Variants in PINK1 observed in about 807,000 individuals in gnomAD.
PINK1 encodes the protein serine/threonine-protein kinase PINK1, mitochondrial.
PINK1 carries 58 observed loss-of-function variants against 56.0 expected under a neutral mutation model. The observed-to-expected ratio is 1.04, with a 90% confidence interval of 0.84 to 1.29. PINK1 has a LOEUF of 1.29. PINK1 is among the 50% of genes most tolerant of loss of function. The pLI, the probability that PINK1 is intolerant of heterozygous loss-of-function variation, is 0.00. For missense variants in PINK1, 745 were observed against 777.9 expected, an observed-to-expected ratio of 0.96 and a Z score of 0.50; for synonymous variants, 354 against 339.3, an observed-to-expected ratio of 1.04 and a Z score of -0.48.
At position 20,648,602 on chromosome 1, in the gene PINK1, G is replaced by GCCCCAGA; in HGVS notation, c.1221_1222insCCCCAGA (p.Gly408ProfsTer25). ...CCTTCAGCAGCTGGTACGTGGATCG[G>GCCCCAGA]GGCGGAAACGGCTGTCTGATGGCCC... On this transcript the variant is annotated frameshift_variant, in exon 6 of 8. Coordinates refer to ENST00000321556, the MANE Select transcript of PINK1 (RefSeq NM_032409.3). LOFTEE classifies it high-confidence loss of function. 6.2e-7 allele frequency: 1 copy of GCCCCAGA among 1,614,040 alleles called. No homozygotes were observed. The highest frequency in any genetic ancestry group is 2.2e-5 in the East Asian group (1 of 44,880).
At chr1:20,646,105 C>A (rs2154533887) in intron 5 of PINK1, among the ~76,000 whole-genome samples, 1 of 151,452 alleles carries the variant, frequency 6.6e-6, no homozygotes, top group South Asian at 2.1e-4. Flanking sequence ...GATCCCTTCT[C>A]TACAAAAAAA....
At chr1:20,648,366 C>T in intron 5 of PINK1, 139 bp from the exon 6 acceptor site, 1 of 1,305,574 alleles carries the variant, frequency 7.7e-7, no homozygotes, top group South Asian at 1.3e-5. Context: ...GCTCTCAGGC[C>T]TTGCTGACCT....
chr1:20,648,799 G>A, intron 6 of PINK1, 167 bp downstream of exon 6: 1 of 1,347,810 alleles, frequency 7.4e-7, no homozygotes, highest in Non-Finnish European at 1.0e-6. Flanking sequence ...GTTCCCTCAT[G>A]TTCCAGGAGA....
chr1:20,634,651 G>GC (rs2053037930), intron 1 of PINK1, among the ~76,000 whole-genome samples: 1 of 152,212 alleles, frequency 6.6e-6, no homozygotes, highest in South Asian at 2.1e-4. Flanking sequence ...ATGGGGATTG[G>GC]CAAAGTCTTA....
chr1:20,644,570 C>G lies in PINK1; in HGVS notation c.857C>G (p.Pro286Arg). Residue 286 changes from proline (P) to arginine (R), a missense_variant, in exon 4 of 8, where the codon CCG becomes CGG. Coordinates refer to ENST00000321556, the MANE Select transcript of PINK1 (RefSeq NM_032409.3). ...RVLRAFTSSV[P>R]LLPGALVDYP... ...CTCCGCGCCTTCACCTCTTCCGTGC[C>G]GCTGCTGCCAGGGGCCCTGGTCGAC... 2 of 1,614,240 alleles carry G rather than the reference C, an allele frequency of 1.2e-6. No individual in the cohort carries two copies. Among genetic ancestry groups the G allele is most frequent in the Non-Finnish European group, 1.7e-6 (2 of 1,180,044 alleles).
chr1:20,646,114 A>G (rs1263118194), intron 5 of PINK1, among the ~76,000 whole-genome samples: 1 of 152,036 alleles, frequency 6.6e-6, no homozygotes, highest in Admixed American at 6.6e-5. Flanking sequence ...TCTACAAAAA[A>G]AAAATATGTT....
In PINK1 at chr1:20,634,594, G is replaced by A. The variant is rs1013212142; in HGVS notation, c.387+659G>A. ...TAGGGTTCTCCAAATGGAATCAATA[G>A]GATGTGTCTATATAGAGGCAGGTTT... On this transcript the variant is annotated intron_variant, in intron 1 of 7. Coordinates refer to ENST00000321556, the MANE Select transcript of PINK1 (RefSeq NM_032409.3). Among the ~76,000 whole-genome samples, 86 of 152,300 alleles carry A rather than the reference G, an allele frequency of 5.6e-4. 2 individuals carry two copies. Among genetic ancestry groups the A allele is most frequent in the Admixed American group, 4.2e-3 (64 of 15,300 alleles).
At chr1:20,643,590 A>G (rs1050506332) in intron 3 of PINK1, among the ~76,000 whole-genome samples, 34 of 152,262 alleles carry the variant, frequency 2.2e-4, no homozygotes, top group Non-Finnish European at 1.0e-4. Context: ...CCATGAGGAC[A>G]GGGACTCTGT....
chr1:20,648,131 G>T (rs1238291209), intron 5 of PINK1, among the ~76,000 whole-genome samples: 1 of 152,170 alleles, frequency 6.6e-6, no homozygotes, highest in Admixed American at 6.5e-5. Context: ...TAATGCACCT[G>T]GTTCTTAGGT....
chr1:20,646,623 AC>A (rs559812615), intron 5 of PINK1, among the ~76,000 whole-genome samples: 537 of 149,524 alleles, frequency 3.6e-3, no homozygotes, highest in African/African-American at 0.012. Context: ...CAGCCTGGCG[AC>A]AGAGTGAGAG....
chr1:20,648,157 C>T (rs139208198), intron 5 of PINK1, among the ~76,000 whole-genome samples: 1 of 152,200 alleles, frequency 6.6e-6, no homozygotes, highest in African/African-American at 2.4e-5. Flanking sequence ...TTTGGGGTTT[C>T]AAATTCAAAT....
chr1:20,637,937 C>T lies in PINK1; in HGVS notation c.483C>T (p.Ser161=). Residue 161 remains serine (S), a synonymous_variant, in exon 2 of 8, where the codon TCC becomes TCT. Coordinates refer to ENST00000321556, the MANE Select transcript of PINK1 (RefSeq NM_032409.3). ...FRLEEYLIGQ[S]IGKGCSAAVY... The stretch of plus-strand genomic sequence containing the variant: ...TGGAGGAGTATCTGATAGGGCAGTC[C>T]ATTGGTAAGGGCTGCAGTGCTGCTG... 6.2e-7 allele frequency: 1 copy of T among 1,614,208 alleles called. No homozygotes were observed.
At chr1:20,647,053 A>ATTTTTTTTTTTTT (rs71585775) in intron 5 of PINK1, among the ~76,000 whole-genome samples, 35 of 91,478 alleles carry the variant, frequency 3.8e-4, no homozygotes, top group Non-Finnish European at 5.0e-4. Context: ...CTAATTTTTG[A>ATTTTTTTTTTTTT]TTTTTTTTTT....
chr1:20,643,929 T>G (rs1414335316), intron 3 of PINK1, among the ~76,000 whole-genome samples: 2 of 152,048 alleles, frequency 1.3e-5, no homozygotes, highest in Non-Finnish European at 2.9e-5. Context: ...CACATACCTA[T>G]GGTAAAGTTT....
chr1:20,634,357 C>G (rs1324656232), intron 1 of PINK1, among the ~76,000 whole-genome samples: 1 of 152,222 alleles, frequency 6.6e-6, no homozygotes, highest in African/African-American at 2.4e-5. Flanking sequence ...CCCTTAACCA[C>G]TGAGCCAGGC....
At chr1:20,637,097 C>A (rs1256373309) in intron 1 of PINK1, among the ~76,000 whole-genome samples, 1 of 152,212 alleles carries the variant, frequency 6.6e-6, no homozygotes, top group Non-Finnish European at 1.5e-5. Context: ...CTGTGCCTGG[C>A]ACCCAGGGGT....
At chr1:20,634,075 A>C (rs1570397580) in intron 1 of PINK1, 140 bp downstream of exon 1, 2 of 1,008,862 alleles carry the variant, frequency 2.0e-6, no homozygotes, top group Non-Finnish European at 1.4e-6. Context: ...CTTAAAGCTC[A>C]TCTATTTCAC....
At position 20,633,737 on chromosome 1, in the gene PINK1, C is replaced by A; in HGVS notation, c.189C>A (p.Leu63=). 5 of 1,537,478 alleles carry A rather than the reference C, an allele frequency of 3.3e-6. No individual in the cohort carries two copies. Among genetic ancestry groups the A allele is most frequent in the Non-Finnish European group, 4.4e-6 (5 of 1,147,558 alleles). Residue 63 remains leucine, a synonymous_variant, in exon 1 of 8, where the codon CTC becomes CTA. Transcript: ENST00000321556. ...GAEPRRVGLG[L]PNRLRFFRQS... ...AGCCTCGCAGGGTCGGGCTCGGGCT[C>A]CCTAACCGTCTCCGCTTCTTCCGCC...
intron 5 of PINK1, among the ~76,000 whole-genome samples, 170 bp downstream of exon 5, chr1:20,645,893 T>C (rs994711758): frequency 1.3e-5 from 2 of 152,068 alleles, no homozygotes; most frequent in Non-Finnish European, 1.5e-5. Context: ...GGTTTTTTTT[T>C]CTCTCTTTGC....
Sources: gnomAD v4.1 joint callset for allele counts (sites outside exome capture counted in the v4.1 genomes callset) on GRCh38, gnomAD v4.1.1 for gene constraint, MANE v1.5 for transcripts, NCBI Gene and HGNC (gene_info 2026-07-23, HGNC 2026-07-21) for gene names.